MAPK4: variants seen among roughly 807,000 people sequenced by gnomAD.
MAPK4 encodes the protein mitogen-activated protein kinase 4.
Under a neutral mutation model 47.7 loss-of-function variants are expected in MAPK4, and 22 were observed. The ratio of observed to expected loss-of-function variants is 0.46; its 90% CI spans 0.33 to 0.66. The LOEUF (loss-of-function observed/expected upper bound fraction) is 0.66, where lower values mean the gene tolerates loss of function less well. MAPK4 is among the 30% of genes least tolerant of loss of function. The probability of loss-of-function intolerance (pLI) is 0.02; values close to 1 mark genes in which losing one functional copy is unlikely to be tolerated. For synonymous variants in MAPK4, 390 were observed against 365.7 expected (o/e 1.07, Z -0.76); for missense variants, 736 against 831.7 (o/e 0.88, Z 1.42).
intron 2 of MAPK4, among the ~76,000 whole-genome samples, chr18:50,698,378 A>G (rs539401688): frequency 6.6e-6 from 1 of 152,372 alleles, no homozygotes; most frequent in African/African-American, 2.4e-5. Flanking sequence ...ATATCTAAGT[A>G]TATAAAATAA....
rs543696442 is a variant in MAPK4, at chr18:50,726,824, C to T, written c.1067+649C>T. 2.0e-5 allele frequency among the ~76,000 whole-genome samples: 3 copies of T among 147,570 alleles called. No individual in the cohort carries two copies. The East Asian group carries it at 6.0e-4, about 30-fold the overall frequency. ...CTGAGGCTGGGGAATCCCTTGAGCC[C>T]AGAAGTTTGAGGTTGCAGAGTGAGA... On this transcript the variant is annotated intron_variant, in intron 5 of 5. Coordinates refer to ENST00000400384, the MANE Select transcript of MAPK4 (RefSeq NM_002747.4).
At chr18:50,714,351 T>C (rs540686634) in intron 2 of MAPK4, among the ~76,000 whole-genome samples, 1 of 152,330 alleles carries the variant, frequency 6.6e-6, no homozygotes, top group East Asian at 1.9e-4. Context: ...TATGGGTATA[T>C]GTCCTCGCTA....
At chr18:50,721,830 C>G in intron 3 of MAPK4, 108 bp from the exon 4 acceptor site, 3 of 1,050,388 alleles carry the variant, frequency 2.9e-6, no homozygotes, top group Non-Finnish European at 4.1e-6. Flanking sequence ...CCAGTGCTGC[C>G]CCACTGCCCT....
chr18:50,607,090 C>G (rs2042589196), intron 1 of MAPK4, among the ~76,000 whole-genome samples: 1 of 152,192 alleles, frequency 6.6e-6, no homozygotes, highest in Non-Finnish European at 1.5e-5. Flanking sequence ...ACAGTATCAT[C>G]TTTGTATGCA....
chr18:50,621,282 A>G (rs556133620), intron 1 of MAPK4, among the ~76,000 whole-genome samples: 2 of 152,158 alleles, frequency 1.3e-5, no homozygotes, highest in South Asian at 2.1e-4. Context: ...CTTCATCCCC[A>G]TGAAGAAGGG....
At chr18:50,615,450 A>C (rs2042676538) in intron 1 of MAPK4, among the ~76,000 whole-genome samples, 7 of 152,226 alleles carry the variant, frequency 4.6e-5, no homozygotes, top group Admixed American at 4.6e-4. Flanking sequence ...GGCATGGCTC[A>C]GAATGGCTCC....
At chr18:50,582,819 C>T (rs1450015257) in intron 1 of MAPK4, among the ~76,000 whole-genome samples, 1 of 152,258 alleles carries the variant, frequency 6.6e-6, no homozygotes, top group Non-Finnish European at 1.5e-5. Flanking sequence ...GAGGGGAACG[C>T]AGTGATGCCC....
intron 2 of MAPK4, among the ~76,000 whole-genome samples, chr18:50,700,752 A>C (rs1909745335): frequency 6.6e-6 from 1 of 151,900 alleles, no homozygotes; most frequent in Non-Finnish European, 1.5e-5. Flanking sequence ...GCTAAGTGTG[A>C]AGGAGAAAAT....
intron 2 of MAPK4, among the ~76,000 whole-genome samples, chr18:50,713,329 G>A (rs1490146327): frequency 6.6e-6 from 1 of 152,224 alleles, no homozygotes; most frequent in East Asian, 1.9e-4. Flanking sequence ...GTTGGAACAA[G>A]ATAAGGCATA....
At chr18:50,722,843 C>T (rs1911004812) in intron 4 of MAPK4, among the ~76,000 whole-genome samples, 1 of 152,148 alleles carries the variant, frequency 6.6e-6, no homozygotes, top group Non-Finnish European at 1.5e-5. Flanking sequence ...GTGTCCTGCC[C>T]ACCTGCCTCT....
At chr18:50,680,928 C>T (rs936744607) in intron 2 of MAPK4, among the ~76,000 whole-genome samples, 22 of 152,314 alleles carry the variant, frequency 1.4e-4, no homozygotes, top group African/African-American at 4.8e-4. Context: ...GTTTTCACTT[C>T]TCTTGGGTAT....
At chr18:50,648,355 G>A (rs1035753838) in intron 1 of MAPK4, among the ~76,000 whole-genome samples, 1 of 152,170 alleles carries the variant, frequency 6.6e-6, no homozygotes, top group African/African-American at 2.4e-5. Flanking sequence ...GCAGCCTCTG[G>A]AGAGTGGGGA....
intron 2 of MAPK4, among the ~76,000 whole-genome samples, chr18:50,697,267 T>C (rs533251699): frequency 6.6e-6 from 1 of 152,324 alleles, no homozygotes; most frequent in African/African-American, 2.4e-5. Flanking sequence ...AGCCTGACTT[T>C]ACTCATCTGT....
intron 2 of MAPK4, among the ~76,000 whole-genome samples, chr18:50,700,566 G>A (rs1314669289): frequency 6.6e-6 from 1 of 152,206 alleles, no homozygotes; most frequent in African/African-American, 2.4e-5. Context: ...CTGAGAGTGG[G>A]CAGGACCCAC....
intron 1 of MAPK4, among the ~76,000 whole-genome samples, chr18:50,581,299 A>T (rs1184441021): frequency 6.6e-6 from 1 of 152,172 alleles, no homozygotes; most frequent in African/African-American, 2.4e-5. Flanking sequence ...GGTGTTGGTG[A>T]GGGCCACAGA....
intron 1 of MAPK4, among the ~76,000 whole-genome samples, chr18:50,649,232 T>C (rs1387049237): frequency 6.6e-6 from 1 of 152,174 alleles, no homozygotes; most frequent in East Asian, 1.9e-4. Context: ...CCTTGAGGTG[T>C]CCTCAGACTC....
At chr18:50,603,412 T>C (rs1050694296) in intron 1 of MAPK4, among the ~76,000 whole-genome samples, 1 of 152,192 alleles carries the variant, frequency 6.6e-6, no homozygotes, top group Non-Finnish European at 1.5e-5. Context: ...GGGGCTCTTG[T>C]CATGCCAATT....
Position 50,731,729 on chromosome 18 carries a change from C to G in MAPK4, c.*1875C>G, listed in dbSNP as rs1319510869. 1 of 152,132 alleles carries G rather than the reference C, an allele frequency of 6.6e-6. No homozygotes were observed. Among genetic ancestry groups the G allele is most frequent in the Non-Finnish European group, 1.5e-5 (1 of 68,042 alleles). The allele number at this position is 152,132 out of a possible 1,614,324, so 9.4% of individuals were successfully genotyped here. A position where few individuals can be genotyped will look rare whatever the true frequency, so the allele number is the denominator to read the frequency against. On this transcript the variant is annotated 3_prime_UTR_variant, in exon 6 of 6. Coordinates refer to ENST00000400384, the MANE Select transcript of MAPK4 (RefSeq NM_002747.4). Reference sequence around the variant, plus strand: ...AGGAGTTCATATATAACTGTTATTACAGAGGAATTGTTATAACTACTAATG... The same window carrying G: ...AGGAGTTCATATATAACTGTTATTAGAGAGGAATTGTTATAACTACTAATG...
At chr18:50,649,033 G>A (rs961504988) in intron 1 of MAPK4, among the ~76,000 whole-genome samples, 7 of 152,202 alleles carry the variant, frequency 4.6e-5, no homozygotes, top group African/African-American at 1.2e-4. Flanking sequence ...ACTCTCAAAG[G>A]CGATTTGTTT....
Sources: allele counts gnomAD v4.1 joint callset (sites outside exome capture counted in the v4.1 genomes callset), GRCh38; gene constraint gnomAD v4.1.1; transcripts MANE v1.5; gene names NCBI Gene and HGNC (gene_info 2026-07-23, HGNC 2026-07-21).